DMD: variants seen among roughly 807,000 people sequenced by gnomAD.
DMD encodes the protein dystrophin.
DMD carries 63 observed loss-of-function variants against 330.1 expected under a neutral mutation model. The observed-to-expected ratio is 0.19, with a 90% CI of 0.16 to 0.24. The LOEUF (loss-of-function observed/expected upper bound fraction) is 0.24. Among genes scored for constraint, DMD ranks in the 10% least tolerant of loss-of-function variants. The probability of loss-of-function intolerance (pLI) is 1.00; values close to 1 mark genes in which losing one functional copy is unlikely to be tolerated. For missense variants in DMD, 3,344 were observed against 2,684.1 expected (o/e 1.25, Z -5.43); for synonymous variants, 1,223 against 959.8 (o/e 1.27, Z -5.07).
intron 44 of DMD, among the ~76,000 whole-genome samples, chrX:31,979,116 A>T (rs184648698): frequency 2.1e-4 from 23 of 112,100 alleles, no homozygotes; most frequent in Admixed American, 1.8e-3. Context: ...GTGCAGTGGT[A>T]CAATCATAGC....
chrX:31,768,477 CCTT>C (rs1191259613), intron 51 of DMD, among the ~76,000 whole-genome samples: 5 of 109,144 alleles, frequency 4.6e-5, no homozygotes, highest in African/African-American at 1.0e-4. Flanking sequence ...TTCCTCTCTT[CCTT>C]CTTTTTTTCC....
intron 11 of DMD, among the ~76,000 whole-genome samples, chrX:32,621,489 T>C (rs1428116914): frequency 9.0e-6 from 1 of 110,506 alleles, no homozygotes; most frequent in Non-Finnish European, 1.9e-5. Flanking sequence ...TATCTTCTTT[T>C]TTTTTTTTTC....
At chrX:32,112,876 A>G (rs1270578209) in intron 44 of DMD, among the ~76,000 whole-genome samples, 1 of 111,685 alleles carries the variant, frequency 9.0e-6, no homozygotes, top group Non-Finnish European at 1.9e-5. Context: ...TGGCAAGTAG[A>G]TATCTGGAAT....
At chrX:31,889,905 C>A (rs2094217249) in intron 47 of DMD, among the ~76,000 whole-genome samples, 1 of 110,196 alleles carries the variant, frequency 9.1e-6, no homozygotes, top group African/African-American at 3.3e-5. Context: ...TAGGAAATAT[C>A]ATTTTTAATA....
At chrX:33,327,827 T>A (rs889387907) in intron 1 of DMD, among the ~76,000 whole-genome samples, 1 of 111,792 alleles carries the variant, frequency 8.9e-6, no homozygotes, top group African/African-American at 3.2e-5. Flanking sequence ...AGTAGCTTAA[T>A]CTCACTTAGG....
intron 7 of DMD, among the ~76,000 whole-genome samples, chrX:32,804,916 A>G (rs1241957739): frequency 1.8e-5 from 2 of 112,394 alleles, no homozygotes; most frequent in East Asian, 5.6e-4. Flanking sequence ...AGAAAGGAAT[A>G]GCATCAACAA....
chrX:32,754,338 C>A (rs947008588), intron 7 of DMD, among the ~76,000 whole-genome samples: 1 of 110,429 alleles, frequency 9.1e-6, no homozygotes, highest in Non-Finnish European at 1.9e-5. Context: ...AGCTAGGATT[C>A]AAACCCAAGC....
At chrX:32,030,543 G>A (rs1389004092) in intron 44 of DMD, among the ~76,000 whole-genome samples, 5 of 111,948 alleles carry the variant, frequency 4.5e-5, no homozygotes, top group Non-Finnish European at 9.4e-5. Context: ...AAAAATTTCT[G>A]TCCATGTGAA....
chrX:32,919,783 T>C (rs1420247220), intron 2 of DMD, among the ~76,000 whole-genome samples: 5 of 111,725 alleles, frequency 4.5e-5, no homozygotes, highest in Non-Finnish European at 9.4e-5. Context: ...TTACATGTTA[T>C]ATAGACTTTG....
intron 1 of DMD, among the ~76,000 whole-genome samples, chrX:33,091,521 A>G (rs1040383015): frequency 8.9e-6 from 1 of 112,177 alleles, no homozygotes; most frequent in East Asian, 2.8e-4. Context: ...TTAAAAAGCA[A>G]TTAAGGTCTT....
At chrX:33,305,018 A>C (rs1167421355) in intron 1 of DMD, among the ~76,000 whole-genome samples, 1 of 109,536 alleles carries the variant, frequency 9.1e-6, no homozygotes, top group Non-Finnish European at 1.9e-5. Context: ...GCGATTCCTC[A>C]GGGATCTAGA....
chrX:32,414,050 G>T (rs1183521990), intron 29 of DMD, among the ~76,000 whole-genome samples: 1 of 111,341 alleles, frequency 9.0e-6, no homozygotes, highest in African/African-American at 3.3e-5. Context: ...TGGCTTAAAA[G>T]TCCCTTCATA....
chrX:32,721,208 T>A (rs755244860), intron 7 of DMD, among the ~76,000 whole-genome samples: 2 of 110,981 alleles, frequency 1.8e-5, no homozygotes, highest in Non-Finnish European at 1.9e-5. Context: ...TCATTTTCTG[T>A]GGGTCTATAC....
intron 62 of DMD, among the ~76,000 whole-genome samples, chrX:31,288,449 C>T (rs1270613538): frequency 9.0e-6 from 1 of 111,599 alleles, no homozygotes; most frequent in Non-Finnish European, 1.9e-5. Context: ...CCCTTCACTA[C>T]GTGCAAGATA....
chrX:32,255,366 A>G (rs1480833570), intron 43 of DMD, among the ~76,000 whole-genome samples: 1 of 111,155 alleles, frequency 9.0e-6, no homozygotes, highest in East Asian at 2.8e-4. Flanking sequence ...CTAGTCTTGT[A>G]GTTTAAAAAT....
At position 31,138,166 on chromosome X, in the gene DMD, C is replaced by T. The variant is rs189938518; in HGVS notation, c.10922-3972G>A. Among the ~76,000 whole-genome samples the T allele has an allele frequency of 6.3e-3, 698 of 111,427 alleles. 10 individuals are homozygous for T. The highest frequency in any genetic ancestry group is 0.022 in the African/African-American group (663 of 30,572). On this transcript the variant is annotated intron_variant, in intron 76 of 78. Coordinates refer to ENST00000357033, the MANE Select transcript of DMD (RefSeq NM_004006.3). The stretch of plus-strand genomic sequence containing the variant: ...CGCTTGTGTTTATGTGCACAAGAAG[C>T]ATATGGCCCAGGTAGCTTGCTAGCC...
chrX:32,788,132 C>A (rs920353845), intron 7 of DMD, among the ~76,000 whole-genome samples: 1 of 111,259 alleles, frequency 9.0e-6, no homozygotes, highest in African/African-American at 3.3e-5. Flanking sequence ...TTAAATCAAC[C>A]CTAGGTTAAT....
intron 48 of DMD, among the ~76,000 whole-genome samples, chrX:31,851,913 C>T (rs778558528): frequency 9.0e-6 from 1 of 110,698 alleles, no homozygotes; most frequent in East Asian, 2.9e-4. Flanking sequence ...AGTGAGGGAA[C>T]GATTCAAGTA....
chrX:31,761,243 T>C (rs2089565734), intron 51 of DMD, among the ~76,000 whole-genome samples: 1 of 110,563 alleles, frequency 9.0e-6, no homozygotes, highest in African/African-American at 3.3e-5. Flanking sequence ...ACAGCTGAGA[T>C]TATGAGAGAC....
Sources: allele counts gnomAD v4.1 joint callset (sites outside exome capture counted in the v4.1 genomes callset), GRCh38; gene constraint gnomAD v4.1.1; transcripts MANE v1.5; gene names NCBI Gene and HGNC (gene_info 2026-07-23, HGNC 2026-07-21).